Variants in CCDC88C observed in about 807,000 individuals in gnomAD.
The protein encoded by CCDC88C is coiled-coil and HOOK domain protein 88C.
Under a neutral mutation model 198.8 loss-of-function variants are expected in CCDC88C, and 131 were observed. The observed-to-expected ratio is 0.66, with a 90% CI of 0.57 to 0.76. The LOEUF is 0.76. Ranked by LOEUF, CCDC88C falls within the 30% of genes least tolerant of loss-of-function variation. CCDC88C has a pLI of 0.00. For missense variants in CCDC88C, 2,553 were observed against 2,631.6 expected (o/e 0.97, Z 0.65); for synonymous variants, 1,166 against 1,114.7 (o/e 1.05, Z -0.92).
At chr14:91,317,887 A>G (rs1270510887) in intron 13 of CCDC88C, among the ~76,000 whole-genome samples, 2 of 152,240 alleles carry the variant, frequency 1.3e-5, no homozygotes, top group African/African-American at 4.8e-5. Flanking sequence ...AGGAGGGGCC[A>G]CAGCAGACAG....
intron 3 of CCDC88C, among the ~76,000 whole-genome samples, chr14:91,398,912 C>T (rs1355175432): frequency 6.6e-6 from 1 of 152,184 alleles, no homozygotes; most frequent in Non-Finnish European, 1.5e-5. Flanking sequence ...TGTTCCTGCT[C>T]CTCTAGGGTG....
chr14:91,321,119 C>T lies in CCDC88C; in HGVS notation c.1527+1G>A. The T allele has an allele frequency of 1.2e-6, 2 of 1,607,046 alleles. No homozygotes were observed. The highest frequency in any genetic ancestry group is 1.1e-5 in the South Asian group (1 of 90,448). On this transcript the variant is annotated splice_donor_variant, in intron 13 of 29. Coordinates refer to ENST00000389857, the MANE Select transcript of CCDC88C (RefSeq NM_001080414.4). LOFTEE classifies it high-confidence loss of function. ...CCGGTGGCCTAAGGAGGCCGAGGTA[C>T]CTTCTTGCTGAGCTGGTGGTTCTCC...
intron 20 of CCDC88C, 74 bp downstream of exon 20, chr14:91,303,627 A>AC: frequency 9.1e-7 from 1 of 1,102,872 alleles, no homozygotes; most frequent in South Asian, 2.4e-5. Flanking sequence ...CCCAGGCCCC[A>AC]CCTTTCCCCC....
In CCDC88C at chr14:91,277,953, AG is replaced by A. The variant is rs1890032394; in HGVS notation, c.5026del (p.Leu1676TrpfsTer21). The A allele has an allele frequency of 6.5e-7, 1 of 1,532,748 alleles. No individual in the cohort carries two copies. The highest frequency in any genetic ancestry group is 2.4e-5 in the East Asian group (1 of 40,930). The allele number at this position is 1,532,748 out of a possible 1,614,324, so 94.9% of individuals were successfully genotyped here. ...GGGGGAGCTGCGGTTGCTCTCCTCCAGGAACTCCTCCAAGGTGACCATCTCA... is the reference window on the plus strand; with the variant it reads ...GGGGGAGCTGCGGTTGCTCTCCTCCAGAACTCCTCCAAGGTGACCATCTCA... Reference protein sequence around the residue: ...SSEMVTLEEFLEESNRSSPTH... With the variant: ...SSEMVTLEEFXEESNRSSPTH... On this transcript the variant is annotated frameshift_variant, in exon 29 of 30. Transcript: ENST00000389857. LOFTEE classifies it low-confidence loss of function (END_TRUNC).
chr14:91,306,049 C>T lies in CCDC88C; in HGVS notation c.3196-123G>A, dbSNP rs993143184. On this transcript the variant is annotated intron_variant, in intron 18 of 29. Transcript: ENST00000389857. The stretch of plus-strand genomic sequence containing the variant: ...TTTTGGGGGCCAAATCGAGGGTCCG[C>T]TGGATGAGGTCAGTATATTTTCTCT... 2.3e-5 allele frequency: 20 copies of T among 877,954 alleles called. No homozygotes were observed. In the Admixed American group the frequency reaches 4.5e-4, roughly 20 times the overall value. The allele number at this position is 877,954 out of a possible 1,614,324, so 54.4% of individuals were successfully genotyped here. A position where few individuals can be genotyped will look rare whatever the true frequency, so the allele number is the denominator to read the frequency against.
chr14:91,341,619 T>C (rs1483268470), intron 6 of CCDC88C, among the ~76,000 whole-genome samples: 1 of 152,266 alleles, frequency 6.6e-6, no homozygotes, highest in Non-Finnish European at 1.5e-5. Flanking sequence ...CACTGACTGC[T>C]GAACCCAAAT....
At chr14:91,372,528 C>CGGGGGGGGGG (rs199749681) in intron 3 of CCDC88C, among the ~76,000 whole-genome samples, 5 of 24,528 alleles carry the variant, frequency 2.0e-4, no homozygotes, top group African/African-American at 5.6e-4. Flanking sequence ...GGCAGTGGTG[C>CGGGGGGGGGG]GGGGGGGGGC....
In CCDC88C at chr14:91,325,653, T is replaced by C. The variant is rs1033729526; in HGVS notation, c.1197+257A>G. 1.3e-5 allele frequency among the ~76,000 whole-genome samples: 2 copies of C among 152,142 alleles called. No individual in the cohort carries two copies. The highest frequency in any genetic ancestry group is 2.9e-5 in the Non-Finnish European group (2 of 68,028). Reference sequence around the variant, plus strand: ...ATGCAATGGTGTGATCACGGCTCACTGCAGCCTCAACCTCCCAGGCTCAAG... The same window carrying C: ...ATGCAATGGTGTGATCACGGCTCACCGCAGCCTCAACCTCCCAGGCTCAAG... On this transcript the variant is annotated intron_variant, in intron 11 of 29. Coordinates refer to ENST00000389857, the MANE Select transcript of CCDC88C (RefSeq NM_001080414.4). This position sits in a 1 kb window ranked among gnomAD's most constrained non-coding sequence, Gnocchi z 4.1.
intron 3 of CCDC88C, chr14:91,384,477 AT>A: frequency 1.9e-6 from 1 of 525,318 alleles, no homozygotes. Flanking sequence ...AGTCTGGATC[AT>A]TTTCCTCATC....
chr14:91,348,322 T>TAAATAA (rs1555423885), intron 4 of CCDC88C, among the ~76,000 whole-genome samples: 8 of 117,896 alleles, frequency 6.8e-5, no homozygotes, highest in Non-Finnish European at 1.2e-4. Flanking sequence ...CTATCTCTAT[T>TAAATAA]AAAAAAAAAA....
At chr14:91,321,730 A>G (rs544164895) in intron 12 of CCDC88C, among the ~76,000 whole-genome samples, 3 of 152,276 alleles carry the variant, frequency 2.0e-5, no homozygotes, top group African/African-American at 7.2e-5. Context: ...CACGTAACTG[A>G]CCACTCCCGT....
At chr14:91,414,609 C>A (rs1886950137) in intron 2 of CCDC88C, among the ~76,000 whole-genome samples, 2 of 152,180 alleles carry the variant, frequency 1.3e-5, no homozygotes, top group African/African-American at 2.4e-5. Context: ...CTTCTATCAC[C>A]TGGAACTGGG....
In CCDC88C at chr14:91,284,617, C is replaced by T. The variant is rs889480972; in HGVS notation, c.4442-1100G>A. 6.6e-6 allele frequency among the ~76,000 whole-genome samples: 1 copy of T among 152,158 alleles called. No individual in the cohort carries two copies. The highest frequency in any genetic ancestry group is 1.5e-5 in the Non-Finnish European group (1 of 68,016). On this transcript the variant is annotated intron_variant, in intron 25 of 29. Coordinates refer to ENST00000389857, the MANE Select transcript of CCDC88C (RefSeq NM_001080414.4). This position sits in a 1 kb window ranked among gnomAD's most constrained non-coding sequence, Gnocchi z 4.1. Reference sequence around the variant, plus strand: ...GCGCGGAAGGCAGGTCTGGAGGACCCGGCACCACGGCAGCCCAGGGTTCCC... The same window carrying T: ...GCGCGGAAGGCAGGTCTGGAGGACCTGGCACCACGGCAGCCCAGGGTTCCC...
At chr14:91,403,639 G>T (rs954325317) in intron 3 of CCDC88C, among the ~76,000 whole-genome samples, 6 of 152,246 alleles carry the variant, frequency 3.9e-5, no homozygotes, top group African/African-American at 1.4e-4. Flanking sequence ...CAAAAGCCAG[G>T]CCAGACGCCG....
intron 12 of CCDC88C, 72 bp downstream of exon 12, chr14:91,324,707 C>G: frequency 3.2e-6 from 5 of 1,565,190 alleles, no homozygotes; most frequent in Non-Finnish European, 4.3e-6. Context: ...AGATTCAGAG[C>G]CCAGGACTCA....
intron 3 of CCDC88C, among the ~76,000 whole-genome samples, chr14:91,404,981 GAA>G (rs1886406812): frequency 7.2e-6 from 1 of 139,386 alleles, no homozygotes; most frequent in African/African-American, 2.5e-5. Flanking sequence ...AAAAAAAAGA[GAA>G]AAGAAAATGC....
Position 91,313,584 on chromosome 14 carries a change from C to T in CCDC88C, c.2232G>A (p.Val744=). 1 of 1,612,334 alleles carries T rather than the reference C, an allele frequency of 6.2e-7. No individual in the cohort carries two copies. Among genetic ancestry groups the T allele is most frequent in the East Asian group, 2.2e-5 (1 of 44,882 alleles). The change falls in exon 15 of 30, where the codon GTG becomes GTA. Residue 744 remains valine (V), a synonymous_variant. Transcript: ENST00000389857. The surrounding 1 kb of genome is among the most constrained non-coding windows in gnomAD (Gnocchi z 5.2). ...TCTTGCCCAGCGCCTTGAGCAGATCCACGTTCTTCCTCAGCTCCTCCTTCT... is the reference window on the plus strand; with the variant it reads ...TCTTGCCCAGCGCCTTGAGCAGATCTACGTTCTTCCTCAGCTCCTCCTTCT... ...EREKEELRKN[V]DLLKALGKKS...
intron 21 of CCDC88C, among the ~76,000 whole-genome samples, chr14:91,298,579 A>G (rs1288119337): frequency 1.3e-5 from 2 of 152,114 alleles, no homozygotes; most frequent in Admixed American, 6.5e-5. Context: ...TGAAGTTTAC[A>G]TCAATACCCA....
chr14:91,324,992 C>A, intron 11 of CCDC88C, 69 bp from the exon 12 acceptor site: 1 of 1,580,824 alleles, frequency 6.3e-7, no homozygotes, highest in South Asian at 1.1e-5. Flanking sequence ...AAGCCTCAGC[C>A]CCTGTATAGC....
Sources: allele counts gnomAD v4.1 joint callset (sites outside exome capture counted in the v4.1 genomes callset), GRCh38; gene constraint gnomAD v4.1.1; non-coding constraint Gnocchi (gnomAD v3.1); transcripts MANE v1.5; gene names NCBI Gene and HGNC (gene_info 2026-07-23, HGNC 2026-07-21).